Variants in LDB2 observed in about 807,000 individuals in gnomAD.
The protein encoded by LDB2 is LIM domain binding 2.
In LDB2, 12 loss-of-function variants were observed where a neutral mutation model predicts 44.3. That is an observed-to-expected ratio of 0.27 (90% CI 0.17 to 0.44). LDB2 has a LOEUF of 0.44. Ranked by LOEUF, LDB2 falls within the 20% of genes least tolerant of loss-of-function variation. LDB2 has a pLI of 1.00. For synonymous variants in LDB2, 164 were observed against 174.8 expected (o/e 0.94, Z 0.49); for missense variants, 344 against 473.5 (o/e 0.73, Z 2.54).
At chr4:16,557,342 C>T (rs1018779526) in intron 5 of LDB2, among the ~76,000 whole-genome samples, 5 of 152,144 alleles carry the variant, frequency 3.3e-5, no homozygotes, top group African/African-American at 7.2e-5. Context: ...CCTGGAAAAT[C>T]GGGTCACTCC....
intron 1 of LDB2, among the ~76,000 whole-genome samples, chr4:16,762,559 T>C (rs934699278): frequency 6.6e-6 from 1 of 152,076 alleles, no homozygotes; most frequent in Non-Finnish European, 1.5e-5. Context: ...AAACCCCTTA[T>C]AAAACCATCA....
intron 1 of LDB2, among the ~76,000 whole-genome samples, chr4:16,800,101 A>ATT (rs1235208515): frequency 6.6e-6 from 1 of 152,152 alleles, no homozygotes; most frequent in African/African-American, 2.4e-5. Context: ...TGGGAAACAA[A>ATT]TATAGATTTC....
chr4:16,816,256 C>T (rs1485431571), intron 1 of LDB2, among the ~76,000 whole-genome samples: 1 of 152,062 alleles, frequency 6.6e-6, no homozygotes, highest in African/African-American at 2.4e-5. Context: ...TATGCAAATG[C>T]TGTATGTGTG....
At chr4:16,811,602 G>A (rs1372691315) in intron 1 of LDB2, among the ~76,000 whole-genome samples, 1 of 152,164 alleles carries the variant, frequency 6.6e-6, no homozygotes, top group Non-Finnish European at 1.5e-5. Context: ...TGTAAATGTA[G>A]TTTATCTAAC....
chr4:16,526,158 G>C (rs1464086427), intron 5 of LDB2, among the ~76,000 whole-genome samples: 1 of 152,184 alleles, frequency 6.6e-6, no homozygotes, highest in Admixed American at 6.5e-5. Context: ...CAGTGGGGAA[G>C]ATCTGCTGTC....
At chr4:16,558,562 A>G (rs1314957838) in intron 5 of LDB2, among the ~76,000 whole-genome samples, 4 of 152,248 alleles carry the variant, frequency 2.6e-5, no homozygotes, top group Non-Finnish European at 5.9e-5. Flanking sequence ...GCACTATGTG[A>G]AAAGACCAAA....
intron 2 of LDB2, among the ~76,000 whole-genome samples, chr4:16,617,668 G>T (rs1397608926): frequency 2.6e-5 from 4 of 152,162 alleles, no homozygotes; most frequent in African/African-American, 9.7e-5. Context: ...GGAAGGTTTT[G>T]TAACTGTTTA....
intron 5 of LDB2, among the ~76,000 whole-genome samples, chr4:16,557,557 G>C (rs988320703): frequency 6.6e-6 from 1 of 152,192 alleles, no homozygotes; most frequent in African/African-American, 2.4e-5. Flanking sequence ...CAAAGCAGCC[G>C]GGAAGCTCAA....
intron 5 of LDB2, among the ~76,000 whole-genome samples, chr4:16,573,114 G>T (rs1368230541): frequency 2.6e-5 from 4 of 152,208 alleles, no homozygotes; most frequent in Non-Finnish European, 5.9e-5. Flanking sequence ...GTTGCTGCGG[G>T]ATCGGCTTTG....
chr4:16,877,067 C>T (rs1305876060), intron 1 of LDB2, among the ~76,000 whole-genome samples: 1 of 152,138 alleles, frequency 6.6e-6, no homozygotes, highest in African/African-American at 2.4e-5. Context: ...GCCACCACAC[C>T]TAACTAGAGC....
intron 1 of LDB2, among the ~76,000 whole-genome samples, chr4:16,819,460 G>A (rs1270540108): frequency 1.9e-3 from 179 of 93,372 alleles, no homozygotes; most frequent in Middle Eastern, 7.6e-3. Flanking sequence ...CTGCACTCAG[G>A]AAAAAAAAAA....
intron 1 of LDB2, among the ~76,000 whole-genome samples, chr4:16,894,877 C>T (rs1466438880): frequency 3.9e-5 from 6 of 151,902 alleles, no homozygotes; most frequent in African/African-American, 1.5e-4. Flanking sequence ...ACTGGACCTT[C>T]AAGTTTTCTT....
intron 2 of LDB2, among the ~76,000 whole-genome samples, chr4:16,740,760 T>C (rs1763091246): frequency 6.6e-6 from 1 of 152,262 alleles, no homozygotes; most frequent in African/African-American, 2.4e-5. Flanking sequence ...GATGCCTTAC[T>C]CTATTGCACA....
chr4:16,801,105 T>C (rs1173444910), intron 1 of LDB2, among the ~76,000 whole-genome samples: 1 of 152,220 alleles, frequency 6.6e-6, no homozygotes, highest in African/African-American at 2.4e-5. Context: ...CCTTGGGCAG[T>C]GCTGTTTTAC....
chr4:16,784,653 T>C (rs1360823448), intron 1 of LDB2, among the ~76,000 whole-genome samples: 1 of 152,186 alleles, frequency 6.6e-6, no homozygotes, highest in African/African-American at 2.4e-5. Context: ...GTCATCAAAG[T>C]CTAGAGTGGA....
chr4:16,897,045 C>G (rs934309527), intron 1 of LDB2, among the ~76,000 whole-genome samples: 40 of 152,132 alleles, frequency 2.6e-4, no homozygotes, highest in Non-Finnish European at 1.5e-5. Context: ...TAAAGACAAC[C>G]CAGCTTTTAA....
chr4:16,711,199 T>C (rs988049228), intron 2 of LDB2, among the ~76,000 whole-genome samples: 4 of 152,168 alleles, frequency 2.6e-5, no homozygotes, highest in Admixed American at 2.6e-4. Context: ...AAGGATTTGG[T>C]CAGAGAAAAC....
chr4:16,784,398 A>C (rs1383556060), intron 1 of LDB2, among the ~76,000 whole-genome samples: 1 of 152,192 alleles, frequency 6.6e-6, no homozygotes, highest in Non-Finnish European at 1.5e-5. Flanking sequence ...TTAGTATAAA[A>C]ATTAAATAAG....
intron 2 of LDB2, among the ~76,000 whole-genome samples, chr4:16,633,111 A>G (rs892776379): frequency 6.6e-6 from 1 of 152,216 alleles, no homozygotes; most frequent in Non-Finnish European, 1.5e-5. Flanking sequence ...GCAGCCATAA[A>G]AAAGGATGAG....
Sources: gnomAD v4.1 joint callset for allele counts (sites outside exome capture counted in the v4.1 genomes callset) on GRCh38, gnomAD v4.1.1 for gene constraint, MANE v1.5 for transcripts, NCBI Gene and HGNC (gene_info 2026-07-23, HGNC 2026-07-21) for gene names.